SLC45A4: variants seen among roughly 807,000 people sequenced by gnomAD.
SLC45A4 encodes polyamine-transporter SLC45A4.
A neutral mutation model predicts 63.7 loss-of-function variants in SLC45A4; 32 were observed. That is an observed-to-expected ratio of 0.50 (90% CI 0.38 to 0.67). SLC45A4 has a LOEUF of 0.67. Among genes scored for constraint, SLC45A4 ranks in the 30% least tolerant of loss-of-function variants. SLC45A4 has a pLI of 0.00. For missense variants in SLC45A4, 1,027 were observed against 1,157.7 expected (o/e 0.89, Z 1.64); for synonymous variants, 535 against 510.0 (o/e 1.05, Z -0.66).
intron 3 of SLC45A4, among the ~76,000 whole-genome samples, chr8:141,220,657 C>T (rs750007531): frequency 6.6e-6 from 1 of 152,220 alleles, no homozygotes; most frequent in African/African-American, 2.4e-5. Context: ...GTGGGAGGCG[C>T]GGGAGAAGGG....
intron 1 of SLC45A4, among the ~76,000 whole-genome samples, chr8:141,265,032 C>A (rs1331791490): frequency 6.6e-6 from 1 of 152,100 alleles, no homozygotes; most frequent in Non-Finnish European, 1.5e-5. Flanking sequence ...GTTGTCTGAG[C>A]GAGAATGGAC....
rs1030462411 is a variant in SLC45A4, at chr8:141,215,377, G to A, written c.1941+382C>T. Among the ~76,000 whole-genome samples, 11 of 152,134 alleles carry A rather than the reference G, an allele frequency of 7.2e-5. No individual in the cohort carries two copies. The highest frequency in any genetic ancestry group is 2.4e-4 in the African/African-American group (10 of 41,410). ...TCACTGGCCTTTTCACTTTCTAAAC[G>A]TGGCCGCCAGGAAGTCTAGGCATAC... is the stretch of plus-strand genomic sequence containing the variant. On this transcript the variant is annotated intron_variant, in intron 7 of 8. Coordinates refer to ENST00000517878, the MANE Select transcript of SLC45A4 (RefSeq NM_001286646.2). The surrounding 1 kb of genome is among the most constrained non-coding windows in gnomAD (Gnocchi z 4.3).
intron 8 of SLC45A4, chr8:141,211,991 G>A (rs890440044): frequency 1.0e-5 from 13 of 1,300,790 alleles, no homozygotes; most frequent in Middle Eastern, 2.9e-4. Context: ...TGGTTAGTGT[G>A]GTATTTGCTT....
At chr8:141,282,983 T>C (rs1410116903) in intron 1 of SLC45A4, among the ~76,000 whole-genome samples, 5 of 152,234 alleles carry the variant, frequency 3.3e-5, no homozygotes, top group Admixed American at 1.3e-4. Context: ...GCGGCAAAGC[T>C]GCAGACCGGC....
At chr8:141,285,262 G>A (rs557128902) in intron 1 of SLC45A4, among the ~76,000 whole-genome samples, 2 of 152,354 alleles carry the variant, frequency 1.3e-5, no homozygotes, top group Non-Finnish European at 2.9e-5. Flanking sequence ...GCACCCCAGC[G>A]GCCATCCTCG....
chr8:141,253,902 T>C (rs890130508), intron 2 of SLC45A4, 87 bp downstream of exon 2: 17 of 1,500,492 alleles, frequency 1.1e-5, no homozygotes, highest in Non-Finnish European at 1.4e-5. Context: ...GGACGCACCA[T>C]CCTCTGCCTC....
At chr8:141,230,098 T>C (rs1827264854) in intron 2 of SLC45A4, 2 of 456,254 alleles carry the variant, frequency 4.4e-6, no homozygotes, top group Non-Finnish European at 8.8e-6. Flanking sequence ...ATGAATTACA[T>C]GTCAGAGGCC....
At chr8:141,298,625 C>T (rs970898619) in intron 1 of SLC45A4, among the ~76,000 whole-genome samples, 4 of 152,184 alleles carry the variant, frequency 2.6e-5, no homozygotes, top group Non-Finnish European at 5.9e-5. Flanking sequence ...CCCTGACCTC[C>T]GCAGGAGCCA....
intron 1 of SLC45A4, among the ~76,000 whole-genome samples, chr8:141,290,976 G>A (rs976929775): frequency 5.9e-5 from 9 of 152,214 alleles, no homozygotes; most frequent in Non-Finnish European, 1.0e-4. Context: ...AGCCTTCCAA[G>A]TAGCTGGGAT....
chr8:141,241,986 C>T (rs942269638), intron 2 of SLC45A4, among the ~76,000 whole-genome samples: 7 of 152,084 alleles, frequency 4.6e-5, no homozygotes, highest in Non-Finnish European at 7.4e-5. Context: ...GCACGGACAG[C>T]GGGACAGCCC....
At chr8:141,273,532 C>G (rs1829618029) in intron 1 of SLC45A4, among the ~76,000 whole-genome samples, 1 of 152,122 alleles carries the variant, frequency 6.6e-6, no homozygotes, top group Admixed American at 6.5e-5. Context: ...GTGGGAGAGG[C>G]AGGTCGCGTG....
intron 2 of SLC45A4, chr8:141,230,040 T>A (rs1334979966): frequency 4.4e-6 from 2 of 456,204 alleles, no homozygotes; most frequent in Non-Finnish European, 8.8e-6. Context: ...CACAGCACCA[T>A]TACACGATGA....
In SLC45A4 at chr8:141,254,725, C is replaced by T; in HGVS notation, c.-400-96G>A. On this transcript the variant is annotated intron_variant, in intron 1 of 8. Transcript: ENST00000517878. The surrounding 1 kb of genome is among the most constrained non-coding windows in gnomAD (Gnocchi z 4.5). ...CCGACCCCCGAGCAAGCCGTGTGCCCCGAGGGCCCGACCCAAGATCACACA... is the reference window on the plus strand; with the variant it reads ...CCGACCCCCGAGCAAGCCGTGTGCCTCGAGGGCCCGACCCAAGATCACACA... The T allele has an allele frequency of 1.5e-6, 1 of 686,012 alleles. No individual in the cohort carries two copies. Among genetic ancestry groups the T allele is most frequent in the Non-Finnish European group, 2.7e-6 (1 of 374,788 alleles). 42.5% of individuals were successfully genotyped at this position (686,012 alleles called of 1,614,324 possible). A position where few individuals can be genotyped will look rare whatever the true frequency, so the allele number is the denominator to read the frequency against.
At chr8:141,262,914 CAT>C (rs1275944812) in intron 1 of SLC45A4, among the ~76,000 whole-genome samples, 11 of 151,490 alleles carry the variant, frequency 7.3e-5, no homozygotes, top group Non-Finnish European at 1.5e-4. Flanking sequence ...CACATGCACA[CAT>C]ATGTTTATTG....
intron 2 of SLC45A4, among the ~76,000 whole-genome samples, chr8:141,237,125 CA>C (rs1827668519): frequency 6.6e-6 from 1 of 151,986 alleles, no homozygotes; most frequent in South Asian, 2.1e-4. Flanking sequence ...TGGAAATTGC[CA>C]AAATATGATA....
intron 1 of SLC45A4, among the ~76,000 whole-genome samples, chr8:141,268,560 A>C (rs1282037870): frequency 2.0e-5 from 3 of 152,172 alleles, no homozygotes; most frequent in Non-Finnish European, 2.9e-5. Flanking sequence ...GGCACACGGG[A>C]AATCTGTTAT....
At chr8:141,258,377 C>T (rs1828901353) in intron 1 of SLC45A4, among the ~76,000 whole-genome samples, 1 of 152,242 alleles carries the variant, frequency 6.6e-6, no homozygotes, top group African/African-American at 2.4e-5. Flanking sequence ...CTTTCCCAAG[C>T]AGCTCAGCTG....
chr8:141,238,055 C>T (rs1285302669), intron 2 of SLC45A4, among the ~76,000 whole-genome samples: 1 of 152,244 alleles, frequency 6.6e-6, no homozygotes, highest in Non-Finnish European at 1.5e-5. Flanking sequence ...TGAATGCTGT[C>T]CAGCCCACAT....
intron 1 of SLC45A4, among the ~76,000 whole-genome samples, chr8:141,293,251 G>A (rs1252061330): frequency 3.3e-5 from 5 of 151,976 alleles, no homozygotes; most frequent in Admixed American, 6.6e-5. Flanking sequence ...TCAGGGGTTC[G>A]AGACCAGCCT....
Sources: allele counts gnomAD v4.1 joint callset (sites outside exome capture counted in the v4.1 genomes callset), GRCh38; gene constraint gnomAD v4.1.1; non-coding constraint Gnocchi (gnomAD v3.1); transcripts MANE v1.5; gene names NCBI Gene and HGNC (gene_info 2026-07-23, HGNC 2026-07-21).